Variants in PSORS1C1 observed in about 807,000 individuals in gnomAD.
PSORS1C1 encodes the protein psoriasis susceptibility 1 candidate gene 1 protein.
A neutral mutation model predicts 9.4 loss-of-function variants in PSORS1C1; 7 were observed. The observed-to-expected ratio is 0.75, with a 90% confidence interval of 0.42 to 1.40. The LOEUF (loss-of-function observed/expected upper bound fraction) is 1.40, where lower values mean the gene tolerates loss of function less well. Among genes scored for constraint, PSORS1C1 ranks in the 40% most tolerant of loss-of-function variants. The pLI, the probability that PSORS1C1 is intolerant of heterozygous loss-of-function variation, is 0.01. For missense variants in PSORS1C1, 146 were observed against 178.1 expected, an observed-to-expected ratio of 0.82 and a Z score of 1.02; for synonymous variants, 63 against 69.4, an observed-to-expected ratio of 0.91 and a Z score of 0.46.
At position 31,128,798 on chromosome 6, in the gene PSORS1C1, C is replaced by T. The variant is rs9263719; in HGVS notation, c.-64-771C>T. ...AGAAGTTAGGAGTCCCTCCTGGGCT[C>T]CTACGTCAGGGTTTGCCCCCTCTCT... On this transcript the variant is annotated intron_variant, in intron 2 of 5. Coordinates refer to ENST00000259881, the MANE Select transcript of PSORS1C1 (RefSeq NM_014068.3). This position sits in a 1 kb window ranked among gnomAD's most constrained non-coding sequence, Gnocchi z 4.3. 0.14 allele frequency among the ~76,000 whole-genome samples: 20,705 copies of T among 152,132 alleles called. 1,553 individuals carry two copies. Among genetic ancestry groups the T allele is most frequent in the South Asian group, 0.19 (935 of 4,826 alleles).
rs768301621 is a variant in PSORS1C1 at position 31,116,125 on chromosome 6, C to T, written c.-229+1234C>T. 45 of 1,610,518 alleles carry T rather than the reference C, an allele frequency of 2.8e-5. No homozygotes were observed. Among genetic ancestry groups the T allele is most frequent in the Non-Finnish European group, 3.3e-5 (39 of 1,178,160 alleles). Reference sequence around the variant, plus strand: ...TTGGGCTAGGATATCCCGGATGGAGCGGCAGGGGATCTTTCCAGCACTGCT... The same window carrying T: ...TTGGGCTAGGATATCCCGGATGGAGTGGCAGGGGATCTTTCCAGCACTGCT... On this transcript the variant is annotated intron_variant, in intron 1 of 5. Coordinates refer to ENST00000259881, the MANE Select transcript of PSORS1C1 (RefSeq NM_014068.3).
chr6:31,134,301 T>A (rs1773045278), intron 3 of PSORS1C1, among the ~76,000 whole-genome samples: 1 of 146,024 alleles, frequency 6.8e-6, no homozygotes, highest in Non-Finnish European at 1.5e-5. Flanking sequence ...TTTTTTGGTT[T>A]TTTATTTGTT....
intron 1 of PSORS1C1, chr6:31,117,579 C>G: frequency 1.3e-6 from 2 of 1,485,612 alleles, no homozygotes; most frequent in Non-Finnish European, 1.8e-6. Context: ...TTGGCTTCCT[C>G]CCTCACCTTT....
chr6:31,134,270 C>G (rs912588071), intron 3 of PSORS1C1, among the ~76,000 whole-genome samples: 2 of 151,638 alleles, frequency 1.3e-5, no homozygotes, highest in Non-Finnish European at 1.5e-5. Context: ...TGTGAGCCAC[C>G]ACGCCTGATC....
Position 31,115,111 on chromosome 6 carries a change from T to C in PSORS1C1, c.-229+220T>C. On this transcript the variant is annotated intron_variant, in intron 1 of 5. Coordinates refer to ENST00000259881, the MANE Select transcript of PSORS1C1 (RefSeq NM_014068.3). The surrounding 1 kb of genome is among the most constrained non-coding windows in gnomAD (Gnocchi z 4.2). ...CTGCTTTCAGTTCAACAAATATTTA[T>C]TGTCTTCCTCCTCTGTGGGAGCAGC... 2.8e-6 allele frequency: 1 copy of C among 353,778 alleles called. No homozygotes were observed. The highest frequency in any genetic ancestry group is 5.5e-6 in the Non-Finnish European group (1 of 181,178). 21.9% of individuals were successfully genotyped at this position (353,778 alleles called of 1,614,324 possible).
Position 31,140,039 on chromosome 6 carries a change from G to A in PSORS1C1, c.*107G>A, listed in dbSNP as rs1230299162. ...CCAAAATAAAATTTGATTCCTCCCA[G>A]GTTGTTCCCTGCCTGGTCCGCTACC... On this transcript the variant is annotated 3_prime_UTR_variant, in exon 6 of 6. Coordinates refer to ENST00000259881, the MANE Select transcript of PSORS1C1 (RefSeq NM_014068.3). The surrounding 1 kb of genome is among the most constrained non-coding windows in gnomAD (Gnocchi z 4.6). 9.1e-7 allele frequency: 1 copy of A among 1,101,960 alleles called. No homozygotes were observed. The highest frequency in any genetic ancestry group is 1.3e-6 in the Non-Finnish European group (1 of 751,728). The allele number at this position is 1,101,960 out of a possible 1,614,324, so 68.3% of individuals were successfully genotyped here.
At chr6:31,117,957 T>TA (rs1772259421) in intron 1 of PSORS1C1, 3 of 179,738 alleles carry the variant, frequency 1.7e-5, no homozygotes, top group South Asian at 1.2e-4. Context: ...AAATTTTTTT[T>TA]AAAAAGAAGA....
chr6:31,116,949 G>A (rs1313139061), intron 1 of PSORS1C1: 2 of 1,614,208 alleles, frequency 1.2e-6, no homozygotes, highest in East Asian at 2.2e-5. Flanking sequence ...GAGAGTCGGG[G>A]ATGTCCGAAC....
intron 3 of PSORS1C1, chr6:31,138,086 A>C (rs1357188746): frequency 3.2e-6 from 5 of 1,580,670 alleles, no homozygotes; most frequent in Non-Finnish European, 4.3e-6. Flanking sequence ...GGGGAGGTTG[A>C]GGAGGATCCG....
chr6:31,131,240 A>G (rs1187039208), intron 3 of PSORS1C1, among the ~76,000 whole-genome samples: 9 of 152,132 alleles, frequency 5.9e-5, no homozygotes, highest in Non-Finnish European at 2.9e-5. Context: ...CAAAACACAC[A>G]TTAAGTGTGC....
At chr6:31,116,718 C>G in intron 1 of PSORS1C1, 2 of 1,612,804 alleles carry the variant, frequency 1.2e-6, no homozygotes, top group Non-Finnish European at 1.7e-6. Context: ...AGGAGCCACC[C>G]ACCACCTCGT....
chr6:31,134,325 T>C lies in PSORS1C1; in HGVS notation c.14-4105T>C, dbSNP rs567045738. On this transcript the variant is annotated intron_variant, in intron 3 of 5. Coordinates refer to ENST00000259881, the MANE Select transcript of PSORS1C1 (RefSeq NM_014068.3). ...TTTTTATTTGTTTGTTTTTTTGAGA[T>C]GGAGTCTCGCTCTGTCGCCCAGGCT... Among the ~76,000 whole-genome samples, 48 of 143,646 alleles carry C rather than the reference T, an allele frequency of 3.3e-4. No homozygotes were observed. The South Asian group carries it at 5.3e-3, about 16-fold the overall frequency. The allele number at this position is 143,646 out of a possible 152,430, so 94.2% of individuals were successfully genotyped here.
At chr6:31,138,228 T>G (rs1773255865) in intron 3 of PSORS1C1, 1 of 1,566,848 alleles carries the variant, frequency 6.4e-7, no homozygotes, top group Non-Finnish European at 8.6e-7. Context: ...TGGGGGGCCC[T>G]GAGGCAATGT....
chr6:31,117,036 T>A (rs773848914), intron 1 of PSORS1C1: 1 of 1,614,102 alleles, frequency 6.2e-7, no homozygotes, highest in African/African-American at 1.3e-5. Context: ...AAGAGCTTTG[T>A]CCAGGCTGGG....
intron 4 of PSORS1C1, 95 bp from the exon 5 acceptor site, chr6:31,138,561 C>T: frequency 6.2e-7 from 1 of 1,608,186 alleles, no homozygotes; most frequent in Non-Finnish European, 8.5e-7. Context: ...CCAGACTTCT[C>T]CAAATAAGCT....
At chr6:31,138,388 A>T in intron 3 of PSORS1C1, 42 bp from the exon 4 acceptor site, 1 of 1,346,186 alleles carries the variant, frequency 7.4e-7, no homozygotes, top group Non-Finnish European at 1.0e-6. Context: ...CAGGAGGAGG[A>T]GCCTGTCTGG....
At chr6:31,123,190 C>T (rs1449938756) in intron 1 of PSORS1C1, among the ~76,000 whole-genome samples, 1 of 152,234 alleles carries the variant, frequency 6.6e-6, no homozygotes, top group African/African-American at 2.4e-5. Flanking sequence ...GTCCCTCCTC[C>T]TGGCTACTCT....
chr6:31,117,865 G>A (rs1322970030), intron 1 of PSORS1C1: 1 of 334,712 alleles, frequency 3.0e-6, no homozygotes, highest in Non-Finnish European at 5.6e-6. Flanking sequence ...TTGGGAGGCC[G>A]AGGTGGGAGG....
chr6:31,127,773 C>G, intron 2 of PSORS1C1, among the ~76,000 whole-genome samples: 1 of 151,806 alleles, frequency 6.6e-6, no homozygotes, highest in Middle Eastern at 3.2e-3. Context: ...GAGATCGCAC[C>G]ACTGCACTCC....
Sources: allele counts gnomAD v4.1 joint callset (sites outside exome capture counted in the v4.1 genomes callset), GRCh38; gene constraint gnomAD v4.1.1; non-coding constraint Gnocchi (gnomAD v3.1); transcripts MANE v1.5; gene names NCBI Gene and HGNC (gene_info 2026-07-23, HGNC 2026-07-21).